The following TBC1D2 variants were observed in gnomAD, a reference collection of about 807,000 sequenced individuals.
The protein encoded by TBC1D2 is TBC1 domain family member 2A.
A neutral mutation model predicts 91.1 loss-of-function variants in TBC1D2; 58 were observed. The observed-to-expected ratio is 0.64, with a 90% confidence interval of 0.52 to 0.79. TBC1D2 has a LOEUF of 0.79. Among genes scored for constraint, TBC1D2 ranks in the 30% least tolerant of loss-of-function variants. The pLI is 0.00. For synonymous variants in TBC1D2, 482 were observed against 511.5 expected, an observed-to-expected ratio of 0.94 and a Z score of 0.78; for missense variants, 1,080 against 1,208.3, an observed-to-expected ratio of 0.89 and a Z score of 1.57.
chr9:98,220,523 T>TA (rs1307807030), intron 6 of TBC1D2, among the ~76,000 whole-genome samples: 2 of 152,064 alleles, frequency 1.3e-5, no homozygotes, highest in Non-Finnish European at 2.9e-5. Context: ...GCCCCACACT[T>TA]AGCTAGTCAG....
At chr9:98,202,573 A>G (rs142854706) in intron 10 of TBC1D2, among the ~76,000 whole-genome samples, 5 of 152,326 alleles carry the variant, frequency 3.3e-5, no homozygotes, top group African/African-American at 9.6e-5. Flanking sequence ...CTACTGAAGG[A>G]TTTATGGATG....
chr9:98,233,188 T>C (rs540681196), intron 4 of TBC1D2, among the ~76,000 whole-genome samples: 268 of 152,302 alleles, frequency 1.8e-3, no homozygotes, highest in African/African-American at 5.7e-3. Context: ...TCACCACACA[T>C]TGAATCTGCC....
At chr9:98,223,970 C>A (rs548554603) in intron 5 of TBC1D2, among the ~76,000 whole-genome samples, 2 of 152,100 alleles carry the variant, frequency 1.3e-5, no homozygotes, top group East Asian at 1.9e-4. Flanking sequence ...GAGGCCAAGG[C>A]GGTCGGATCA....
chr9:98,244,081 G>T lies in TBC1D2; in HGVS notation c.560C>A (p.Pro187His), dbSNP rs764857446. 6.2e-7 allele frequency: 1 copy of T among 1,613,258 alleles called. No homozygotes were observed. ...AGCTGCCACGCCCACTAGCCCAGGG[G>T]GTGTTTTCACAGGGCACAGGAACTC... Reference protein sequence around the residue: ...LEEFLCPVKTPPGLVGVAAAL... With the variant: ...LEEFLCPVKTHPGLVGVAAAL... Residue 187 changes from proline (P) to histidine (H), a missense_variant, in exon 3 of 13, where the codon CCC becomes CAC. Coordinates refer to ENST00000465784, the MANE Select transcript of TBC1D2 (RefSeq NM_001267571.2).
At chr9:98,233,922 G>A (rs1404737795) in intron 3 of TBC1D2, among the ~76,000 whole-genome samples, 2 of 152,242 alleles carry the variant, frequency 1.3e-5, no homozygotes, top group Non-Finnish European at 2.9e-5. Flanking sequence ...TAATATGGGT[G>A]TGTTGAGTGA....
At chr9:98,203,250 C>A in intron 10 of TBC1D2, 38 bp downstream of exon 10, 2 of 1,612,510 alleles carry the variant, frequency 1.2e-6, no homozygotes, top group Non-Finnish European at 1.7e-6. Context: ...GGGGCACTGC[C>A]CTACATGGCT....
chr9:98,233,624 T>C, intron 3 of TBC1D2, 75 bp from the exon 4 acceptor site: 2 of 1,572,050 alleles, frequency 1.3e-6, no homozygotes, highest in East Asian at 2.3e-5. Flanking sequence ...CCGCCACCAC[T>C]GCTGGAGCTC....
At position 98,244,071 on chromosome 9, in the gene TBC1D2, T is replaced by C; in HGVS notation, c.570A>G (p.Leu190=). 6.2e-7 allele frequency: 1 copy of C among 1,613,158 alleles called. No individual in the cohort carries two copies. The highest frequency in any genetic ancestry group is 8.5e-7 in the Non-Finnish European group (1 of 1,179,628). Residue 190 remains leucine, a synonymous_variant, in exon 3 of 13, where the codon CTA becomes CTG. Transcript: ENST00000465784. ...GCTGCAAGGCAGCTGCCACGCCCACTAGCCCAGGGGGTGTTTTCACAGGGC... is the reference window on the plus strand; with the variant it reads ...GCTGCAAGGCAGCTGCCACGCCCACCAGCCCAGGGGGTGTTTTCACAGGGC... ...FLCPVKTPPG[L]VGVAAALQPF...
intron 6 of TBC1D2, 31 bp from the exon 7 acceptor site, chr9:98,213,249 T>A: frequency 1.2e-6 from 2 of 1,613,368 alleles, no homozygotes; most frequent in Non-Finnish European, 1.7e-6. Flanking sequence ...TGTTATCAGT[T>A]GGACATAAAC....
chr9:98,240,380 G>T (rs1221784135), intron 3 of TBC1D2, among the ~76,000 whole-genome samples: 1 of 152,130 alleles, frequency 6.6e-6, no homozygotes, highest in Non-Finnish European at 1.5e-5. Context: ...AGAGCCCCTG[G>T]CTCCTTGGCC....
Position 98,199,095 on chromosome 9 carries a change from A to C in TBC1D2, c.*286T>G. Reference sequence around the variant, plus strand: ...CCTAGAGAATGTTCCAGGTTACCCTATAGAGGCAGTGCTCTTGCTTGTTTA... The same window carrying C: ...CCTAGAGAATGTTCCAGGTTACCCTCTAGAGGCAGTGCTCTTGCTTGTTTA... On this transcript the variant is annotated 3_prime_UTR_variant, in exon 13 of 13. Transcript: ENST00000465784. 3.5e-6 allele frequency: 2 copies of C among 572,942 alleles called. No individual in the cohort carries two copies. Among genetic ancestry groups the C allele is most frequent in the Non-Finnish European group, 3.1e-6 (1 of 319,578 alleles). The allele number at this position is 572,942 out of a possible 1,614,324, so 35.5% of individuals were successfully genotyped here. A position where few individuals can be genotyped will look rare whatever the true frequency, so the allele number is the denominator to read the frequency against.
Position 98,238,592 on chromosome 9 carries a change from C to T in TBC1D2, c.648-5043G>A, listed in dbSNP as rs1207647829. 2.0e-4 allele frequency among the ~76,000 whole-genome samples: 28 copies of T among 136,998 alleles called. 11 individuals carry two copies. Among genetic ancestry groups the T allele is most frequent in the African/African-American group, 1.0e-3 (28 of 27,462 alleles). The allele number at this position is 136,998 out of a possible 152,430, so 89.9% of individuals were successfully genotyped here. On this transcript the variant is annotated intron_variant, in intron 3 of 12. Coordinates refer to ENST00000465784, the MANE Select transcript of TBC1D2 (RefSeq NM_001267571.2). The stretch of plus-strand genomic sequence containing the variant: ...TAATTTCATGTTCTTGCCTAATTGG[C>T]CTGGCTAAAGCCTCCAGAACAATGT...
At chr9:98,219,499 C>T (rs1210667045) in intron 6 of TBC1D2, among the ~76,000 whole-genome samples, 3 of 152,126 alleles carry the variant, frequency 2.0e-5, no homozygotes, top group African/African-American at 7.2e-5. Context: ...CTGAGAAATG[C>T]GTCATTAGGT....
At chr9:98,251,969 G>A in intron 1 of TBC1D2, 43 bp from the exon 2 acceptor site, 6 of 1,561,688 alleles carry the variant, frequency 3.8e-6, no homozygotes, top group South Asian at 2.4e-5. Flanking sequence ...TGTGCCTGAA[G>A]GGTGGCACTG....
intron 3 of TBC1D2, chr9:98,234,881 G>C (rs1022029049): frequency 4.8e-6 from 1 of 209,822 alleles, no homozygotes; most frequent in African/African-American, 2.4e-5. Context: ...TTCGACACGA[G>C]GAAAGTAACT....
chr9:98,239,932 C>T (rs545743392), intron 3 of TBC1D2, among the ~76,000 whole-genome samples: 30 of 152,278 alleles, frequency 2.0e-4, no homozygotes, highest in African/African-American at 6.7e-4. Flanking sequence ...TGTCCATTTT[C>T]ATCTAAGTTA....
chr9:98,247,437 C>T (rs748271073), intron 2 of TBC1D2, among the ~76,000 whole-genome samples: 4 of 151,268 alleles, frequency 2.6e-5, no homozygotes, highest in East Asian at 2.0e-4. Context: ...TTTAAAAAGC[C>T]GTAAAGCTGG....
intron 6 of TBC1D2, among the ~76,000 whole-genome samples, chr9:98,213,931 G>A (rs1051349757): frequency 6.6e-6 from 1 of 152,176 alleles, no homozygotes; most frequent in African/African-American, 2.4e-5. Flanking sequence ...CCTGCTGCTG[G>A]GGCATACAAG....
chr9:98,231,731 T>C (rs1393491785), intron 4 of TBC1D2, among the ~76,000 whole-genome samples: 1 of 152,232 alleles, frequency 6.6e-6, no homozygotes, highest in African/African-American at 2.4e-5. Flanking sequence ...CACCCTTCCA[T>C]GCCTCAGTTT....
Sources: allele counts gnomAD v4.1 joint callset (sites outside exome capture counted in the v4.1 genomes callset), GRCh38; gene constraint gnomAD v4.1.1; transcripts MANE v1.5; gene names NCBI Gene and HGNC (gene_info 2026-07-23, HGNC 2026-07-21).